The following CDH4 variants were observed in gnomAD, a reference collection of about 807,000 sequenced individuals.
CDH4 encodes cadherin 4, also known as cadherin-4.
A neutral mutation model predicts 86.0 loss-of-function variants in CDH4; 33 were observed. That is an observed-to-expected ratio of 0.38 (90% CI 0.29 to 0.51). The LOEUF is 0.51. Among genes scored for constraint, CDH4 ranks in the 20% least tolerant of loss-of-function variants. The pLI, the probability that CDH4 is intolerant of heterozygous loss-of-function variation, is 0.86. For synonymous variants in CDH4, 555 were observed against 549.4 expected (o/e 1.01, Z -0.14); for missense variants, 1,114 against 1,307.4 (o/e 0.85, Z 2.28).
At chr20:61,745,128 A>G (rs34208486) in intron 3 of CDH4, among the ~76,000 whole-genome samples, 2,293 of 152,302 alleles carry the variant, frequency 0.015, 20 homozygotes, top group South Asian at 0.055. Flanking sequence ...GGCGGCGGCC[A>G]CTAGCAATCA....
chr20:61,614,152 A>G (rs1019644091), intron 2 of CDH4, among the ~76,000 whole-genome samples: 50 of 152,054 alleles, frequency 3.3e-4, no homozygotes, highest in African/African-American at 1.2e-3. Flanking sequence ...TTATGAGTTT[A>G]TGCTAATGAA....
At chr20:61,384,654 A>G (rs186940759) in intron 2 of CDH4, among the ~76,000 whole-genome samples, 11 of 152,204 alleles carry the variant, frequency 7.2e-5, no homozygotes, top group Middle Eastern at 3.4e-3. Context: ...TTGCCTTCCA[A>G]TTCACCAATT....
At chr20:61,698,243 C>T (rs1288377117) in intron 2 of CDH4, among the ~76,000 whole-genome samples, 2 of 152,262 alleles carry the variant, frequency 1.3e-5, no homozygotes, top group Non-Finnish European at 2.9e-5. Flanking sequence ...AAGTGCAGCC[C>T]CCACTGACCA....
At chr20:61,643,566 A>G (rs115513127) in intron 2 of CDH4, among the ~76,000 whole-genome samples, 2,079 of 152,300 alleles carry the variant, frequency 0.014, 38 homozygotes, top group African/African-American at 0.047. Context: ...TGCATGTCCC[A>G]TCTCTCCTTC....
intron 4 of CDH4, among the ~76,000 whole-genome samples, chr20:61,797,153 A>G (rs2146025524): frequency 6.6e-6 from 1 of 152,314 alleles, no homozygotes; most frequent in African/African-American, 2.4e-5. Flanking sequence ...CATTGGAAGA[A>G]CAATAATGCC....
rs1310779326 is a variant in CDH4 at position 61,392,065 on chromosome 20, T to G, written c.169+137128T>G. ...CTTCCCCCGCCTCGCTTGCCGTGGG[T>G]TTCAGCATCGCGGGGGCTGTGGAGA... On this transcript the variant is annotated intron_variant, in intron 2 of 15. Transcript: ENST00000614565. The surrounding 1 kb of genome is among the most constrained non-coding windows in gnomAD (Gnocchi z 5.7). Among the ~76,000 whole-genome samples, 1 of 151,694 alleles carries G rather than the reference T, an allele frequency of 6.6e-6. No homozygotes were observed. The highest frequency in any genetic ancestry group is 1.5e-5 in the Non-Finnish European group (1 of 67,978).
chr20:61,807,597 G>C lies in CDH4; in HGVS notation c.576+34415G>C, dbSNP rs1267722840. On this transcript the variant is annotated intron_variant, in intron 4 of 15. Transcript: ENST00000614565. The surrounding 1 kb of genome is among the most constrained non-coding windows in gnomAD (Gnocchi z 4.5). ...ACCAAGGGCAGGTGTTCCGTGCAGG[G>C]CTGGTTGGTGTGAGGCCAGCCACAG... Among the ~76,000 whole-genome samples the C allele has an allele frequency of 6.6e-6, 1 of 152,186 alleles. No homozygotes were observed. The highest frequency in any genetic ancestry group is 6.5e-5 in the Admixed American group (1 of 15,290).
chr20:61,484,597 A>G (rs746348130), intron 2 of CDH4, among the ~76,000 whole-genome samples: 2 of 152,236 alleles, frequency 1.3e-5, no homozygotes, highest in Non-Finnish European at 2.9e-5. Flanking sequence ...TCACGCAGTC[A>G]GTCAGGAAGA....
At chr20:61,797,092 C>CG (rs1568821223) in intron 4 of CDH4, among the ~76,000 whole-genome samples, 1 of 150,202 alleles carries the variant, frequency 6.7e-6, no homozygotes, top group African/African-American at 2.5e-5. Flanking sequence ...AGCCCCCCCC[C>CG]CCCCAACACT....
intron 4 of CDH4, among the ~76,000 whole-genome samples, chr20:61,792,889 TCCAC>T (rs1979278825): frequency 2.0e-5 from 3 of 152,204 alleles, no homozygotes; most frequent in African/African-American, 7.2e-5. Context: ...GACCTTGTGA[TCCAC>T]CCGCCTCGGC....
chr20:61,742,561 C>A (rs561660691), intron 2 of CDH4, among the ~76,000 whole-genome samples: 1 of 149,368 alleles, frequency 6.7e-6, no homozygotes, highest in East Asian at 2.1e-4. Context: ...GCTTGAAAAA[C>A]CAATCCTCCC....
chr20:61,739,962 C>A (rs538287361), intron 2 of CDH4, among the ~76,000 whole-genome samples: 39 of 152,318 alleles, frequency 2.6e-4, no homozygotes, highest in Non-Finnish European at 5.1e-4. Flanking sequence ...TCTCTGTACA[C>A]GGAGACCCTC....
At chr20:61,686,663 GTGTA>G (rs1462562315) in intron 2 of CDH4, among the ~76,000 whole-genome samples, 2 of 151,214 alleles carry the variant, frequency 1.3e-5, no homozygotes, top group African/African-American at 4.9e-5. Context: ...GTGCATTCGC[GTGTA>G]TGTGCGTGTG....
intron 2 of CDH4, chr20:61,499,402 G>T (rs947811095): frequency 1.6e-6 from 2 of 1,243,686 alleles, no homozygotes; most frequent in South Asian, 1.2e-5. Context: ...CGGGACTGGG[G>T]TGCAGGTGTG....
intron 2 of CDH4, among the ~76,000 whole-genome samples, chr20:61,710,457 G>A (rs544801296): frequency 1.3e-5 from 2 of 152,204 alleles, no homozygotes; most frequent in Non-Finnish European, 2.9e-5. Flanking sequence ...TCGCTCCTGC[G>A]GCAGAGCCCC....
At chr20:61,349,650 TG>T (rs1398513860) in intron 2 of CDH4, among the ~76,000 whole-genome samples, 3 of 152,140 alleles carry the variant, frequency 2.0e-5, no homozygotes, top group African/African-American at 7.2e-5. Flanking sequence ...GAGTGAAAGC[TG>T]GGGCTCCCCA....
chr20:61,571,611 C>T (rs1347019037), intron 2 of CDH4, among the ~76,000 whole-genome samples: 1 of 152,164 alleles, frequency 6.6e-6, no homozygotes, highest in Admixed American at 6.5e-5. Flanking sequence ...CATTCTATGC[C>T]AGCTCCCAGA....
intron 4 of CDH4, among the ~76,000 whole-genome samples, chr20:61,775,412 C>T (rs1170559485): frequency 6.6e-6 from 1 of 151,994 alleles, no homozygotes; most frequent in Non-Finnish European, 1.5e-5. Context: ...AGACAGTCAT[C>T]GATCTTACTC....
intron 2 of CDH4, among the ~76,000 whole-genome samples, chr20:61,613,654 A>G (rs1438432765): frequency 1.3e-5 from 2 of 151,870 alleles, no homozygotes; most frequent in African/African-American, 4.8e-5. Context: ...GGAAATAATT[A>G]ATTTCAAGAA....
Sources: allele counts gnomAD v4.1 joint callset (sites outside exome capture counted in the v4.1 genomes callset), GRCh38; gene constraint gnomAD v4.1.1; non-coding constraint Gnocchi (gnomAD v3.1); transcripts MANE v1.5; gene names NCBI Gene and HGNC (gene_info 2026-07-23, HGNC 2026-07-21).